The following CHN1 variants were observed in gnomAD, a reference collection of about 807,000 sequenced individuals.
The protein encoded by CHN1 is chimerin 1.
In CHN1, 37 loss-of-function variants were observed where a neutral mutation model predicts 59.5. That is an observed-to-expected ratio of 0.62 (90% CI 0.48 to 0.82). The LOEUF is 0.82. Ranked by LOEUF, CHN1 falls within the 40% of genes least tolerant of loss-of-function variation. The probability of loss-of-function intolerance (pLI) is 0.00; values close to 1 mark genes in which losing one functional copy is unlikely to be tolerated. For missense variants in CHN1, 469 were observed against 571.0 expected (o/e 0.82, Z 1.82); for synonymous variants, 206 against 200.4 (o/e 1.03, Z -0.24).
intron 3 of CHN1, among the ~76,000 whole-genome samples, chr2:174,920,083 T>G (rs1273237896): frequency 6.6e-6 from 1 of 152,204 alleles, no homozygotes; most frequent in Non-Finnish European, 1.5e-5. Flanking sequence ...TAACATAAGG[T>G]CCTCTAAGTT....
chr2:174,885,231 C>T (rs137950664), intron 5 of CHN1, among the ~76,000 whole-genome samples: 1 of 150,734 alleles, frequency 6.6e-6, no homozygotes, highest in Non-Finnish European at 1.5e-5. Context: ...GTCAAGATCA[C>T]GCCACTGCAC....
chr2:174,983,328 T>C (rs1246159663), intron 1 of CHN1, among the ~76,000 whole-genome samples: 2 of 152,192 alleles, frequency 1.3e-5, no homozygotes, highest in Non-Finnish European at 2.9e-5. Context: ...CATGACTCCT[T>C]ACAGTTCCAC....
chr2:174,858,204 A>T (rs1004349778), intron 6 of CHN1, among the ~76,000 whole-genome samples: 6 of 152,172 alleles, frequency 3.9e-5, no homozygotes, highest in Admixed American at 3.3e-4. Context: ...CCTGTTACAG[A>T]CTTCTTTAAA....
intron 5 of CHN1, among the ~76,000 whole-genome samples, chr2:174,903,609 A>G (rs986510668): frequency 6.6e-6 from 1 of 152,204 alleles, no homozygotes; most frequent in African/African-American, 2.4e-5. Flanking sequence ...AACCATATCT[A>G]TGTGCTGCTT....
chr2:174,821,786 G>A (rs1375941506), intron 8 of CHN1: 3 of 441,232 alleles, frequency 6.8e-6, no homozygotes, highest in Non-Finnish European at 1.4e-5. Flanking sequence ...AGAACTGTGA[G>A]AAATAAATTT....
intron 5 of CHN1, among the ~76,000 whole-genome samples, chr2:174,904,912 G>C (rs561892611): frequency 6.6e-6 from 1 of 152,030 alleles, no homozygotes; most frequent in Non-Finnish European, 1.5e-5. Flanking sequence ...AAGAGTGTCT[G>C]ATACATTGAA....
At chr2:174,887,089 T>C (rs1201189631) in intron 5 of CHN1, among the ~76,000 whole-genome samples, 1 of 152,216 alleles carries the variant, frequency 6.6e-6, no homozygotes, top group Non-Finnish European at 1.5e-5. Flanking sequence ...TATTCTTTTG[T>C]GCTTGGATAG....
chr2:174,853,447 C>T (rs905515725), intron 6 of CHN1, among the ~76,000 whole-genome samples: 1 of 152,144 alleles, frequency 6.6e-6, no homozygotes, highest in African/African-American at 2.4e-5. Context: ...CAGAAAACAA[C>T]AGATGCTGAT....
intron 7 of CHN1, among the ~76,000 whole-genome samples, chr2:174,832,134 T>C (rs1395283151): frequency 6.6e-6 from 1 of 152,092 alleles, no homozygotes; most frequent in East Asian, 1.9e-4. Flanking sequence ...AAAAGTGTCA[T>C]CTGAAGAAGT....
intron 5 of CHN1, among the ~76,000 whole-genome samples, chr2:174,881,930 T>C (rs1223048982): frequency 6.6e-6 from 1 of 152,216 alleles, no homozygotes; most frequent in African/African-American, 2.4e-5. Flanking sequence ...GATTTACATA[T>C]ATTGAAAGCG....
intron 3 of CHN1, among the ~76,000 whole-genome samples, chr2:174,935,562 G>C (rs551411820): frequency 2.6e-5 from 4 of 152,160 alleles, no homozygotes; most frequent in Non-Finnish European, 5.9e-5. Context: ...CTGCTTGGGG[G>C]AGACAGGTGA....
rs996732638 is a variant in CHN1, at chr2:175,005,122, G to C, written c.-210C>G. 3.8e-6 allele frequency: 5 copies of C among 1,312,014 alleles called. No homozygotes were observed. Among genetic ancestry groups the C allele is most frequent in the Non-Finnish European group, 1.9e-6 (2 of 1,028,630 alleles). The allele number at this position is 1,312,014 out of a possible 1,614,324, so 81.3% of individuals were successfully genotyped here. A position where few individuals can be genotyped will look rare whatever the true frequency, so the allele number is the denominator to read the frequency against. On this transcript the variant is annotated 5_prime_UTR_variant, in exon 1 of 13. Coordinates refer to ENST00000409900, the MANE Select transcript of CHN1 (RefSeq NM_001822.7). The stretch of plus-strand genomic sequence containing the variant: ...TTCACGCGTTATTGTCGGGCGCACC[G>C]GGCCCAGGGAGCCCCGCTAGCTCTC...
intron 1 of CHN1, among the ~76,000 whole-genome samples, chr2:175,001,965 G>C (rs1691903277): frequency 6.6e-6 from 1 of 152,184 alleles, no homozygotes; most frequent in Non-Finnish European, 1.5e-5. Context: ...TTCTCACAAA[G>C]CCTATACGGA....
At chr2:174,827,694 G>C (rs1574062358) in intron 7 of CHN1, among the ~76,000 whole-genome samples, 1 of 152,188 alleles carries the variant, frequency 6.6e-6, no homozygotes, top group African/African-American at 2.4e-5. Context: ...AGACGATATG[G>C]AGCTGAACTC....
intron 1 of CHN1, among the ~76,000 whole-genome samples, chr2:174,989,903 A>C (rs1051743687): frequency 2.0e-5 from 3 of 152,208 alleles, no homozygotes; most frequent in Non-Finnish European, 2.9e-5. Flanking sequence ...AACATACATC[A>C]ATTTTCCTTC....
chr2:174,923,138 ATT>A (rs1314898932), intron 3 of CHN1, among the ~76,000 whole-genome samples: 5 of 146,158 alleles, frequency 3.4e-5, no homozygotes, highest in African/African-American at 1.0e-4. Context: ...TAACAATATA[ATT>A]TTTTTTTTTT....
At chr2:174,974,844 T>C (rs929919254) in intron 1 of CHN1, among the ~76,000 whole-genome samples, 24 of 152,016 alleles carry the variant, frequency 1.6e-4, no homozygotes, top group Middle Eastern at 3.4e-3. Flanking sequence ...TCAGTATATA[T>C]GCCTGTAACT....
chr2:174,879,742 G>A (rs1056748986), intron 5 of CHN1, among the ~76,000 whole-genome samples: 2 of 152,052 alleles, frequency 1.3e-5, no homozygotes, highest in Middle Eastern at 3.4e-3. Context: ...TTTATATTTC[G>A]GTTGTATCAG....
At chr2:174,906,540 T>C (rs1047905689) in intron 5 of CHN1, among the ~76,000 whole-genome samples, 1 of 152,188 alleles carries the variant, frequency 6.6e-6, no homozygotes, top group South Asian at 2.1e-4. Flanking sequence ...ATTTTGTGAA[T>C]GTACCAAAAA....
Sources: gnomAD v4.1 joint callset for allele counts (sites outside exome capture counted in the v4.1 genomes callset) on GRCh38, gnomAD v4.1.1 for gene constraint, MANE v1.5 for transcripts, NCBI Gene and HGNC (gene_info 2026-07-23, HGNC 2026-07-21) for gene names.